Variants in SCN8A observed in about 807,000 individuals in gnomAD.
SCN8A encodes the protein sodium voltage-gated channel alpha subunit 8, also known as sodium channel protein type 8 subunit alpha.
In SCN8A, 30 loss-of-function variants were observed where a neutral mutation model predicts 184.1. The ratio of observed to expected loss-of-function variants is 0.16; its 90% CI spans 0.12 to 0.22. SCN8A has a LOEUF of 0.22. Ranked by LOEUF, SCN8A falls within the 10% of genes least tolerant of loss-of-function variation. The pLI, the probability that SCN8A is intolerant of heterozygous loss-of-function variation, is 1.00. For missense variants in SCN8A, 1,057 were observed against 2,498.9 expected, an observed-to-expected ratio of 0.42 and a Z score of 12.30; for synonymous variants, 852 against 907.0, an observed-to-expected ratio of 0.94 and a Z score of 1.09.
chr12:51,705,375 A>C (rs1365322954), intron 9 of SCN8A, 42 bp from the exon 10 acceptor site: 2 of 1,600,688 alleles, frequency 1.2e-6, no homozygotes, highest in South Asian at 1.1e-5. Context: ...AGCCCGGTTC[A>C]TTTGGTACAA....
chr12:51,744,994 G>T (rs771586340), intron 12 of SCN8A, among the ~76,000 whole-genome samples: 54 of 152,076 alleles, frequency 3.6e-4, no homozygotes, highest in Non-Finnish European at 5.4e-4. Context: ...AAGTCTACAT[G>T]GGTGATATGG....
rs1938756316 is a variant in SCN8A, at chr12:51,807,771, T to C, written c.*342T>C. 3.5e-6 allele frequency: 1 copy of C among 285,184 alleles called. No homozygotes were observed. Among genetic ancestry groups the C allele is most frequent in the Admixed American group, 4.8e-5 (1 of 20,806 alleles). 17.7% of individuals were successfully genotyped at this position (285,184 alleles called of 1,614,324 possible). A position where few individuals can be genotyped will look rare whatever the true frequency, so the allele number is the denominator to read the frequency against. ...TATTTCCGTTGCAGCCAAATGGATT[T>C]TATTTTTTCATTTTATTGATTCTCA... On this transcript the variant is annotated 3_prime_UTR_variant, in exon 27 of 27. Transcript: ENST00000627620. This position sits in a 1 kb window ranked among gnomAD's most constrained non-coding sequence, Gnocchi z 4.5.
intron 1 of SCN8A, among the ~76,000 whole-genome samples, chr12:51,661,535 A>G (rs753501013): frequency 6.6e-6 from 1 of 152,098 alleles, no homozygotes; most frequent in Non-Finnish European, 1.5e-5. Context: ...TAACTCTACT[A>G]CTGTTCTCTT....
chr12:51,788,642 C>CT, intron 22 of SCN8A, 53 bp from the exon 23 acceptor site: 1 of 1,456,528 alleles, frequency 6.9e-7, no homozygotes, highest in South Asian at 1.4e-5. Flanking sequence ...CCTGCCTAGA[C>CT]TCCCATCCAC....
chr12:51,651,246 T>G (rs1011417588), intron 1 of SCN8A, among the ~76,000 whole-genome samples: 1 of 152,182 alleles, frequency 6.6e-6, no homozygotes, highest in South Asian at 2.1e-4. Context: ...TGGCCAGATT[T>G]TGGGGGGCCT....
intron 5 of SCN8A, 67 bp downstream of exon 5, chr12:51,687,286 T>C: frequency 6.3e-7 from 1 of 1,581,842 alleles, no homozygotes. Context: ...TACTCCTGGG[T>C]CTGTTTGTAG....
At chr12:51,605,165 C>T (rs1176832008) in intron 1 of SCN8A, among the ~76,000 whole-genome samples, 1 of 150,196 alleles carries the variant, frequency 6.7e-6, no homozygotes, top group East Asian at 1.9e-4. Flanking sequence ...TATTTGGTTA[C>T]ATCAGTAAGT....
intron 11 of SCN8A, chr12:51,713,534 C>T (rs1941916122): frequency 2.7e-6 from 2 of 743,408 alleles, no homozygotes; most frequent in Non-Finnish European, 4.9e-6. Flanking sequence ...GGGTCATGGC[C>T]CTCTTCCTGC....
chr12:51,684,774 C>T (rs1941393158), intron 3 of SCN8A, among the ~76,000 whole-genome samples: 1 of 152,082 alleles, frequency 6.6e-6, no homozygotes, highest in Non-Finnish European at 1.5e-5. Context: ...GAAATAACCT[C>T]CTTGTTACAG....
At chr12:51,639,812 A>G (rs1215162391) in intron 1 of SCN8A, among the ~76,000 whole-genome samples, 1 of 150,544 alleles carries the variant, frequency 6.6e-6, no homozygotes, top group Non-Finnish European at 1.5e-5. Context: ...ACAACTAGCT[A>G]AAGGCTCAGG....
chr12:51,655,059 C>A (rs1940793830), intron 1 of SCN8A, among the ~76,000 whole-genome samples: 1 of 152,058 alleles, frequency 6.6e-6, no homozygotes, highest in African/African-American at 2.4e-5. Flanking sequence ...ACACCACGCC[C>A]AGCTAATTTT....
intron 26 of SCN8A, among the ~76,000 whole-genome samples, chr12:51,797,539 G>C (rs1938444629): frequency 6.6e-6 from 1 of 152,196 alleles, no homozygotes. Flanking sequence ...GCTGGTTGTG[G>C]TTATTTACCT....
chr12:51,735,471 A>G (rs1942309175), intron 12 of SCN8A, among the ~76,000 whole-genome samples: 1 of 152,212 alleles, frequency 6.6e-6, no homozygotes, highest in African/African-American at 2.4e-5. Context: ...AAATACCGAG[A>G]TCAGAAAGCA....
intron 1 of SCN8A, among the ~76,000 whole-genome samples, chr12:51,648,091 G>A (rs1940630774): frequency 6.6e-6 from 1 of 152,182 alleles, no homozygotes. Context: ...CTCATGGGAG[G>A]CCAAATACAT....
At chr12:51,766,129 C>A in intron 16 of SCN8A, 102 bp downstream of exon 16, 1 of 916,426 alleles carries the variant, frequency 1.1e-6, no homozygotes, top group South Asian at 1.3e-5. Context: ...TACTACCCGT[C>A]ATGTTTGTTG....
chr12:51,691,528 A>G (rs1941508313), intron 6 of SCN8A, among the ~76,000 whole-genome samples: 1 of 152,070 alleles, frequency 6.6e-6, no homozygotes, highest in Non-Finnish European at 1.5e-5. Flanking sequence ...TAGTAGCAGC[A>G]CTTATGATTA....
At chr12:51,593,990 A>AG (rs1939290456) in intron 1 of SCN8A, among the ~76,000 whole-genome samples, 2 of 152,240 alleles carry the variant, frequency 1.3e-5, no homozygotes, top group South Asian at 4.1e-4. Flanking sequence ...AAACTGGATC[A>AG]GGAGAGCGTC....
intron 13 of SCN8A, among the ~76,000 whole-genome samples, chr12:51,748,847 T>G (rs1197074448): frequency 2.0e-5 from 3 of 152,138 alleles, no homozygotes; most frequent in Non-Finnish European, 4.4e-5. Context: ...TTGCAGATGC[T>G]TAAAAGTTGT....
intron 1 of SCN8A, among the ~76,000 whole-genome samples, chr12:51,603,365 C>A (rs1240419230): frequency 6.6e-6 from 1 of 152,050 alleles, no homozygotes; most frequent in East Asian, 1.9e-4. Flanking sequence ...TTTTTTATTG[C>A]TGAGTAGTAT....
Sources: gnomAD v4.1 joint callset for allele counts (sites outside exome capture counted in the v4.1 genomes callset) on GRCh38, gnomAD v4.1.1 for gene constraint, Gnocchi (gnomAD v3.1) non-coding constraint, MANE v1.5 for transcripts, NCBI Gene and HGNC (gene_info 2026-07-23, HGNC 2026-07-21) for gene names.